TRIM11: variants seen among roughly 807,000 people sequenced by gnomAD.
The protein encoded by TRIM11 is tripartite motif containing 11, also known as E3 ubiquitin-protein ligase TRIM11.
TRIM11 carries 15 observed loss-of-function variants against 33.4 expected under a neutral mutation model. The ratio of observed to expected loss-of-function variants is 0.45; its 90% confidence interval spans 0.30 to 0.69. The LOEUF (loss-of-function observed/expected upper bound fraction) is 0.69, where lower values mean the gene tolerates loss of function less well. Ranked by LOEUF, TRIM11 falls within the 30% of genes least tolerant of loss-of-function variation. The pLI, the probability that TRIM11 is intolerant of heterozygous loss-of-function variation, is 0.08. For synonymous variants in TRIM11, 281 were observed against 302.6 expected, an observed-to-expected ratio of 0.93 and a Z score of 0.74; for missense variants, 499 against 667.6, an observed-to-expected ratio of 0.75 and a Z score of 2.78.
chr1:228,402,357 A>G (rs1205694233), intron 1 of TRIM11, 196 bp from the exon 2 acceptor site: 51 of 494,342 alleles, frequency 1.0e-4, no homozygotes, highest in Non-Finnish European at 1.4e-5. Context: ...AGAGGCTGAC[A>G]GCCCCAGCCA....
At chr1:228,402,815 A>C (rs1181715225) in intron 1 of TRIM11, 1 of 152,548 alleles carries the variant, frequency 6.6e-6, no homozygotes, top group East Asian at 1.9e-4. Context: ...AAGCACCCTC[A>C]CCAGACACCA....
chr1:228,406,118 C>T lies in TRIM11; in HGVS notation c.408+36G>A, dbSNP rs1656405683. On this transcript the variant is annotated intron_variant, in intron 1 of 5. Coordinates refer to ENST00000284551, the MANE Select transcript of TRIM11 (RefSeq NM_145214.3). This position sits in a 1 kb window ranked among gnomAD's most constrained non-coding sequence, Gnocchi z 8.2. ...CCAGGCCTCCCCAGTCCCCGGCTCC[C>T]CGACGCCCCTGCACGCCACCCCCGC... The T allele has an allele frequency of 2.2e-6, 3 of 1,345,986 alleles. No homozygotes were observed. In the African/African-American group the frequency reaches 4.6e-5, roughly 21 times the overall value. 83.4% of individuals were successfully genotyped at this position (1,345,986 alleles called of 1,614,324 possible). A position where few individuals can be genotyped will look rare whatever the true frequency, so the allele number is the denominator to read the frequency against.
rs1231151542 is a variant in TRIM11, at chr1:228,403,968, T to G, written c.409-1807A>C. 6.6e-6 allele frequency: 1 copy of G among 152,368 alleles called. No homozygotes were observed. The highest frequency in any genetic ancestry group is 2.1e-4 in the South Asian group (1 of 4,828). The allele number at this position is 152,368 out of a possible 1,614,324, so 9.4% of individuals were successfully genotyped here. ...CCACACCTGGCCAACGTTTTCAGTT[T>G]TCAACACTAAGGTTACAAACAGCAT... On this transcript the variant is annotated intron_variant, in intron 1 of 5. Transcript: ENST00000284551. This position sits in a 1 kb window ranked among gnomAD's most constrained non-coding sequence, Gnocchi z 4.8.
At chr1:228,404,902 T>C (rs1263563733) in intron 1 of TRIM11, 1 of 152,258 alleles carries the variant, frequency 6.6e-6, no homozygotes, top group African/African-American at 2.4e-5. Context: ...AATCAAATTG[T>C]ATGATTTTTT....
At chr1:228,404,657 C>G (rs1227335837) in intron 1 of TRIM11, 5 of 152,214 alleles carry the variant, frequency 3.3e-5, no homozygotes, top group African/African-American at 1.2e-4. Flanking sequence ...CTCTCTCTAC[C>G]AGGAAGAGGA....
At chr1:228,397,297 CA>C in intron 3 of TRIM11, 132 bp from the exon 4 acceptor site, 1 of 1,103,088 alleles carries the variant, frequency 9.1e-7, no homozygotes, top group Non-Finnish European at 1.3e-6. Flanking sequence ...AAAACACACA[CA>C]GGGGGCCATA....
chr1:228,402,174 C>A lies in TRIM11; in HGVS notation c.409-13G>T, dbSNP rs768850212. 3 of 1,603,124 alleles carry A rather than the reference C, an allele frequency of 1.9e-6. No individual in the cohort carries two copies. The highest frequency in any genetic ancestry group is 2.6e-6 in the Non-Finnish European group (3 of 1,173,546). On this transcript the variant is annotated splice_polypyrimidine_tract_variant and intron_variant, in intron 1 of 5. Coordinates refer to ENST00000284551, the MANE Select transcript of TRIM11 (RefSeq NM_145214.3). ...TCTCCAGCTTCGCCTGCGGGAGAGG[C>A]CAGGCAGGACCATGAGACATGAGTC... is the stretch of plus-strand genomic sequence containing the variant.
At chr1:228,396,393 A>C in intron 5 of TRIM11, 149 of 435,492 alleles carry the variant, frequency 3.4e-4, no homozygotes, top group East Asian at 7.7e-4. Flanking sequence ...GGTGCTGGGA[A>C]GGTGCACCCA....
chr1:228,406,684 G>A lies in TRIM11; in HGVS notation c.-123C>T, dbSNP rs900069099. The A allele has an allele frequency of 3.1e-6, 3 of 976,296 alleles. No individual in the cohort carries two copies. The highest frequency in any genetic ancestry group is 3.4e-5 in the African/African-American group (2 of 58,110). The allele number at this position is 976,296 out of a possible 1,614,324, so 60.5% of individuals were successfully genotyped here. The stretch of plus-strand genomic sequence containing the variant: ...CAGGCTCGGGCACTCCGGGGCGCGA[G>A]GCTCGGGACTCCCGGGTGCTCGGGC... On this transcript the variant is annotated 5_prime_UTR_variant, in exon 1 of 6. Transcript: ENST00000284551. The surrounding 1 kb of genome is among the most constrained non-coding windows in gnomAD (Gnocchi z 8.2).
intron 3 of TRIM11, among the ~76,000 whole-genome samples, chr1:228,399,892 A>C (rs147962530): frequency 0.02 from 2,174 of 107,568 alleles, 77 homozygotes; most frequent in African/African-American, 0.11. Context: ...AAAAAAAAAC[A>C]AAAAAAAAAA....
chr1:228,396,396 T>C lies in TRIM11; in HGVS notation c.859+551A>G, dbSNP rs2074987186. 1.0e-5 allele frequency: 5 copies of C among 490,472 alleles called. No homozygotes were observed. The South Asian group carries it at 1.5e-4, about 15-fold the overall frequency. The allele number at this position is 490,472 out of a possible 1,614,324, so 30.4% of individuals were successfully genotyped here. ...TGAGCACACTGAGGTGCTGGGAAGG[T>C]GCACCCAGGGAGGGTGGGAAAGCTC... On this transcript the variant is annotated intron_variant, in intron 5 of 5. Coordinates refer to ENST00000284551, the MANE Select transcript of TRIM11 (RefSeq NM_145214.3).
At position 228,400,587 on chromosome 1, in the gene TRIM11, T is replaced by C. The variant is rs1032665264; in HGVS notation, c.735+377A>G. On this transcript the variant is annotated intron_variant, in intron 3 of 5. Coordinates refer to ENST00000284551, the MANE Select transcript of TRIM11 (RefSeq NM_145214.3). This position sits in a 1 kb window ranked among gnomAD's most constrained non-coding sequence, Gnocchi z 4.5. ...CGAGGACTTCCTGCTGGGGACACCATGGCAGGAATCCTATGGGAGGCCCAA... is the reference window on the plus strand; with the variant it reads ...CGAGGACTTCCTGCTGGGGACACCACGGCAGGAATCCTATGGGAGGCCCAA... Among the ~76,000 whole-genome samples, 3 of 152,102 alleles carry C rather than the reference T, an allele frequency of 2.0e-5. No individual in the cohort carries two copies. The highest frequency in any genetic ancestry group is 7.2e-5 in the African/African-American group (3 of 41,400).
In TRIM11 at chr1:228,394,991, C is replaced by A; in HGVS notation, c.1121G>T (p.Gly374Val). The change falls in exon 6 of 6, where the codon GGC (glycine) becomes GTC (valine). Residue 374 changes from glycine to valine, a missense_variant. By Grantham distance (109) the Gly-to-Val change is moderately radical. Coordinates refer to ENST00000284551, the MANE Select transcript of TRIM11 (RefSeq NM_145214.3). The surrounding 1 kb of genome is among the most constrained non-coding windows in gnomAD (Gnocchi z 6.2). ...GAAGACCAGGATCCAGAAGCCGTTG[C>A]CCGCGGACAGCTCGCCCTTCTCCTT... ...NRKEKGELSA[G>V]NGFWILVFLG... The A allele has an allele frequency of 6.2e-7, 1 of 1,614,116 alleles. No homozygotes were observed. The highest frequency in any genetic ancestry group is 8.5e-7 in the Non-Finnish European group (1 of 1,180,004).
intron 5 of TRIM11, chr1:228,396,440 T>C: frequency 3.6e-6 from 2 of 559,630 alleles, no homozygotes; most frequent in Non-Finnish European, 6.4e-6. Context: ...TCCCCAGGCT[T>C]TGCCCATGTG....
chr1:228,406,594 C>A lies in TRIM11; in HGVS notation c.-33G>T. 1 of 1,414,120 alleles carries A rather than the reference C, an allele frequency of 7.1e-7. No homozygotes were observed. The highest frequency in any genetic ancestry group is 1.6e-5 in the South Asian group (1 of 61,900). The allele number at this position is 1,414,120 out of a possible 1,614,324, so 87.6% of individuals were successfully genotyped here. A position where few individuals can be genotyped will look rare whatever the true frequency, so the allele number is the denominator to read the frequency against. On this transcript the variant is annotated 5_prime_UTR_variant, in exon 1 of 6. Transcript: ENST00000284551. The surrounding 1 kb of genome is among the most constrained non-coding windows in gnomAD (Gnocchi z 8.2). Reference sequence around the variant, plus strand: ...ACAGAGGGGAGGAAGGCGGTACTGTCCGCGGGGCGGCGGCGGGCGGCCTCG... The same window carrying A: ...ACAGAGGGGAGGAAGGCGGTACTGTACGCGGGGCGGCGGCGGGCGGCCTCG...
At position 228,401,930 on chromosome 1, in the gene TRIM11, G is replaced by A. The variant is rs1471752457; in HGVS notation, c.504+136C>T. On this transcript the variant is annotated intron_variant, in intron 2 of 5. Transcript: ENST00000284551. This position sits in a 1 kb window ranked among gnomAD's most constrained non-coding sequence, Gnocchi z 6.1. ...ACCAGCCCTTCAGTGGGCTCGGTGGGGCCAGGCTGAAGCAGTGACTGGTCC... is the reference window on the plus strand; with the variant it reads ...ACCAGCCCTTCAGTGGGCTCGGTGGAGCCAGGCTGAAGCAGTGACTGGTCC... The A allele has an allele frequency of 1.0e-5, 6 of 583,988 alleles. No individual in the cohort carries two copies. Among genetic ancestry groups the A allele is most frequent in the Non-Finnish European group, 1.7e-5 (6 of 357,376 alleles). 36.2% of individuals were successfully genotyped at this position (583,988 alleles called of 1,614,324 possible). A position where few individuals can be genotyped will look rare whatever the true frequency, so the allele number is the denominator to read the frequency against.
In TRIM11 at chr1:228,394,474, A is replaced by G. The variant is rs2074959729; in HGVS notation, c.*231T>C. 1 of 548,206 alleles carries G rather than the reference A, an allele frequency of 1.8e-6. No individual in the cohort carries two copies. The highest frequency in any genetic ancestry group is 1.9e-5 in the African/African-American group (1 of 52,950). 34.0% of individuals were successfully genotyped at this position (548,206 alleles called of 1,614,324 possible). A position where few individuals can be genotyped will look rare whatever the true frequency, so the allele number is the denominator to read the frequency against. On this transcript the variant is annotated 3_prime_UTR_variant, in exon 6 of 6. Transcript: ENST00000284551. This position sits in a 1 kb window ranked among gnomAD's most constrained non-coding sequence, Gnocchi z 6.2. The stretch of plus-strand genomic sequence containing the variant: ...GTAAGGGCTGTTGGCATTAAGTGGC[A>G]CCCGGTGGCTGGAGGGGTCTCCCAG...
rs1000196921 is a variant in TRIM11, at chr1:228,406,097, G to T, written c.408+57C>A. The T allele has an allele frequency of 1.5e-5, 20 of 1,313,768 alleles. No individual in the cohort carries two copies. Among genetic ancestry groups the T allele is most frequent in the Non-Finnish European group, 1.8e-5 (19 of 1,028,262 alleles). The allele number at this position is 1,313,768 out of a possible 1,614,324, so 81.4% of individuals were successfully genotyped here. ...TCCCCCAAACCTCCCACCCGCCCAG[G>T]CCTCCCCAGTCCCCGGCTCCCCGAC... On this transcript the variant is annotated intron_variant, in intron 1 of 5. Coordinates refer to ENST00000284551, the MANE Select transcript of TRIM11 (RefSeq NM_145214.3). This position sits in a 1 kb window ranked among gnomAD's most constrained non-coding sequence, Gnocchi z 8.2.
chr1:228,395,025 C>T lies in TRIM11; in HGVS notation c.1087G>A (p.Val363Met), dbSNP rs766187778. Reference protein sequence around the residue: ...SWALGVCRENVNRKEKGELSA... With the variant: ...SWALGVCRENMNRKEKGELSA... ...AGCTCGCCCTTCTCCTTCCTGTTCA[C>T]GTTCTCCCTGCACACCCCCAGGGCC... Residue 363 changes from valine to methionine, a missense_variant, in exon 6 of 6, where the codon GTG becomes ATG. Coordinates refer to ENST00000284551, the MANE Select transcript of TRIM11 (RefSeq NM_145214.3). The surrounding 1 kb of genome is among the most constrained non-coding windows in gnomAD (Gnocchi z 4.8). 3 of 1,614,044 alleles carry T rather than the reference C, an allele frequency of 1.9e-6. No individual in the cohort carries two copies. The highest frequency in any genetic ancestry group is 2.5e-6 in the Non-Finnish European group (3 of 1,179,964).
Sources: gnomAD v4.1 joint callset for allele counts (sites outside exome capture counted in the v4.1 genomes callset) on GRCh38, gnomAD v4.1.1 for gene constraint, Gnocchi (gnomAD v3.1) non-coding constraint, MANE v1.5 for transcripts, NCBI Gene and HGNC (gene_info 2026-07-23, HGNC 2026-07-21) for gene names.